RBFOX1: variants seen among roughly 807,000 people sequenced by gnomAD.
RBFOX1 encodes the protein RNA binding protein fox-1 homolog 1.
RBFOX1 carries 8 observed loss-of-function variants against 57.7 expected under a neutral mutation model. The observed-to-expected ratio is 0.14, with a 90% CI of 0.08 to 0.25. RBFOX1 has a LOEUF of 0.25. RBFOX1 is among the 10% of genes least tolerant of loss of function. The pLI, the probability that RBFOX1 is intolerant of heterozygous loss-of-function variation, is 1.00. For synonymous variants in RBFOX1, 326 were observed against 222.4 expected (o/e 1.47, Z -4.15); for missense variants, 611 against 548.5 (o/e 1.11, Z -1.14).
chr16:7,072,854 C>A (rs1328408075), intron 4 of RBFOX1, among the ~76,000 whole-genome samples: 2 of 152,156 alleles, frequency 1.3e-5, no homozygotes, highest in Admixed American at 6.5e-5. Flanking sequence ...AACATAAGTG[C>A]TCTGAGATGA....
intron 5 of RBFOX1, among the ~76,000 whole-genome samples, chr16:7,532,525 A>C (rs1326296312): frequency 3.9e-5 from 6 of 152,178 alleles, no homozygotes; most frequent in Non-Finnish European, 5.9e-5. Flanking sequence ...CGCACCCTGG[A>C]ATACAGGGCG....
At chr16:7,509,834 A>G (rs2074507732) in intron 4 of RBFOX1, among the ~76,000 whole-genome samples, 2 of 152,272 alleles carry the variant, frequency 1.3e-5, no homozygotes, top group South Asian at 4.1e-4. Context: ...GATAGTAGCA[A>G]GCTCCCTGCT....
chr16:6,953,426 G>T (rs80020784), intron 3 of RBFOX1, among the ~76,000 whole-genome samples: 1 of 151,634 alleles, frequency 6.6e-6, no homozygotes, highest in Admixed American at 6.6e-5. Flanking sequence ...TTGCTTTGTC[G>T]CCAATGCTGG....
intron 5 of RBFOX1, among the ~76,000 whole-genome samples, chr16:7,573,845 A>G (rs1004129958): frequency 3.3e-5 from 5 of 151,584 alleles, no homozygotes; most frequent in South Asian, 2.1e-4. Flanking sequence ...AAAAAAAAAA[A>G]GAGGTCAAAT....
chr16:5,839,790 T>G (rs2056570631), intron 3 of RBFOX1, among the ~76,000 whole-genome samples: 1 of 152,158 alleles, frequency 6.6e-6, no homozygotes, highest in African/African-American at 2.4e-5. Flanking sequence ...ATGAATGCGG[T>G]TTTCTTTTCT....
At chr16:5,979,459 A>G (rs536680087) in intron 4 of RBFOX1, among the ~76,000 whole-genome samples, 1 of 152,346 alleles carries the variant, frequency 6.6e-6, no homozygotes, top group South Asian at 2.1e-4. Context: ...GGGGCTTAAC[A>G]CCATAATAAC....
intron 1 of RBFOX1, among the ~76,000 whole-genome samples, chr16:5,322,050 G>A (rs1596514610): frequency 6.6e-6 from 1 of 152,064 alleles, no homozygotes; most frequent in African/African-American, 2.4e-5. Flanking sequence ...AGGCTTAGGG[G>A]GCTTTAGCAT....
At chr16:6,886,130 C>G (rs1423360869) in intron 3 of RBFOX1, among the ~76,000 whole-genome samples, 2 of 149,426 alleles carry the variant, frequency 1.3e-5, no homozygotes, top group East Asian at 2.0e-4. Flanking sequence ...GACGTGATCT[C>G]GGCTCACTGC....
At chr16:5,297,079 T>C (rs2063688373) in intron 1 of RBFOX1, among the ~76,000 whole-genome samples, 1 of 152,232 alleles carries the variant, frequency 6.6e-6, no homozygotes, top group African/African-American at 2.4e-5. Flanking sequence ...ATCCATGTTG[T>C]TGCAAATGAC....
In RBFOX1 at chr16:6,728,743, G is replaced by A. The variant is rs551769691; in HGVS notation, c.-16+74093G>A. Among the ~76,000 whole-genome samples the A allele has an allele frequency of 1.5e-4, 23 of 152,242 alleles. No individual in the cohort carries two copies. The South Asian group carries it at 4.6e-3, about 30-fold the overall frequency. ...TTTAATGCTCAATAGAAGAAACACG[G>A]TGTCTCCTTACCTTCTGAATTTCAA... is the stretch of plus-strand genomic sequence containing the variant. On this transcript the variant is annotated intron_variant, in intron 3 of 15. Coordinates refer to ENST00000550418, the MANE Select transcript of RBFOX1 (RefSeq NM_018723.4).
At chr16:5,494,694 T>G (rs1189416655) in intron 2 of RBFOX1, among the ~76,000 whole-genome samples, 5 of 152,180 alleles carry the variant, frequency 3.3e-5, no homozygotes, top group African/African-American at 1.2e-4. Flanking sequence ...ACTGTGGGGT[T>G]ACTGAAGACT....
intron 1 of RBFOX1, among the ~76,000 whole-genome samples, chr16:5,277,219 C>T (rs1161440752): frequency 1.3e-5 from 2 of 151,986 alleles, no homozygotes; most frequent in Non-Finnish European, 2.9e-5. Flanking sequence ...GAAAAACAAA[C>T]ATTGCATGTT....
intron 3 of RBFOX1, among the ~76,000 whole-genome samples, chr16:6,874,892 C>A (rs2061560379): frequency 6.6e-6 from 1 of 152,058 alleles, no homozygotes; most frequent in African/African-American, 2.4e-5. Context: ...ATTACCTGTT[C>A]CCACAAAACT....
chr16:7,223,104 A>AG (rs1295236385), intron 4 of RBFOX1, among the ~76,000 whole-genome samples: 2 of 152,194 alleles, frequency 1.3e-5, no homozygotes, highest in African/African-American at 4.8e-5. Flanking sequence ...CTAGCAACTG[A>AG]GGTGAATAAA....
intron 4 of RBFOX1, among the ~76,000 whole-genome samples, chr16:7,220,901 C>T (rs906395308): frequency 2.0e-5 from 3 of 152,054 alleles, no homozygotes; most frequent in Admixed American, 1.3e-4. Flanking sequence ...TCTGGGACTG[C>T]TCTATGGAAT....
At chr16:5,583,592 T>C (rs916852333) in intron 2 of RBFOX1, among the ~76,000 whole-genome samples, 1 of 152,224 alleles carries the variant, frequency 6.6e-6, no homozygotes, top group African/African-American at 2.4e-5. Flanking sequence ...TTGTTTCTTT[T>C]CTTTGCTCGA....
At position 6,164,979 on chromosome 16, in the gene RBFOX1, ATAT is replaced by A. The variant is rs2096906704; in HGVS notation, c.-127+144992_-127+144994del. On this transcript the variant is annotated intron_variant, in intron 1 of 15. Coordinates refer to ENST00000550418, the MANE Select transcript of RBFOX1 (RefSeq NM_018723.4). The stretch of plus-strand genomic sequence containing the variant: ...TCAATAGATCTCAATATGAAATGGC[ATAT>A]TATTGTTATTTATATGTATATTTAA... Among the ~76,000 whole-genome samples, 3 of 152,286 alleles carry A rather than the reference ATAT, an allele frequency of 2.0e-5. No individual in the cohort carries two copies. In the South Asian group the frequency reaches 6.2e-4, roughly 32 times the overall value.
chr16:6,282,453 G>A (rs2076487091), intron 1 of RBFOX1, among the ~76,000 whole-genome samples: 1 of 150,994 alleles, frequency 6.6e-6, no homozygotes, highest in South Asian at 2.1e-4. Context: ...ATGTGCCATG[G>A]TGGTTTGCTG....
chr16:7,109,779 C>G lies in RBFOX1; in HGVS notation c.27+57681C>G, dbSNP rs545389826. Among the ~76,000 whole-genome samples the G allele has an allele frequency of 3.9e-5, 6 of 152,236 alleles. No individual in the cohort carries two copies. In the South Asian group the frequency reaches 8.3e-4, roughly 21 times the overall value. On this transcript the variant is annotated intron_variant, in intron 4 of 15. Transcript: ENST00000550418. ...GATGACTCCTTTGAGCAATTTCATT[C>G]ACTCGTTTGCTGAACAAACCTGAAT...
Sources: allele counts gnomAD v4.1 joint callset (sites outside exome capture counted in the v4.1 genomes callset), GRCh38; gene constraint gnomAD v4.1.1; transcripts MANE v1.5; gene names NCBI Gene and HGNC (gene_info 2026-07-23, HGNC 2026-07-21).